Variants in ARL2BP observed in about 807,000 individuals in gnomAD.
ARL2BP encodes ARF like GTPase 2 binding protein.
In ARL2BP, 19 loss-of-function variants were observed where a neutral mutation model predicts 24.2. The observed-to-expected ratio is 0.79, with a 90% CI of 0.55 to 1.15. The LOEUF is 1.15. Ranked by LOEUF, ARL2BP falls within the 50% of genes most tolerant of loss-of-function variation. The pLI is 0.00. For missense variants in ARL2BP, 160 were observed against 190.4 expected (o/e 0.84, Z 0.94); for synonymous variants, 56 against 70.5 (o/e 0.79, Z 1.03).
chr16:57,252,371 T>C lies in ARL2BP; in HGVS notation c.*104T>C, dbSNP rs747795648. The stretch of plus-strand genomic sequence containing the variant: ...TCTTGGAAAGACTGACTCTGTTATG[T>C]AACTCTTCATTTATGTTAAGTATTA... On this transcript the variant is annotated 3_prime_UTR_variant, in exon 6 of 6. Coordinates refer to ENST00000219204, the MANE Select transcript of ARL2BP (RefSeq NM_012106.4). The C allele has an allele frequency of 1.0e-5, 16 of 1,590,932 alleles. No homozygotes were observed. The highest frequency in any genetic ancestry group is 1.4e-5 in the Non-Finnish European group (16 of 1,169,974).
Position 57,245,317 on chromosome 16 carries a change from G to A in ARL2BP, c.-51G>A. The A allele has an allele frequency of 6.3e-7, 1 of 1,586,036 alleles. No individual in the cohort carries two copies. On this transcript the variant is annotated 5_prime_UTR_variant, in exon 1 of 6. Coordinates refer to ENST00000219204, the MANE Select transcript of ARL2BP (RefSeq NM_012106.4). ...TAACCCCGCCGGGCGGCCGCGCCCT[G>A]CATGCGAGTTGGGCCGCGGGCGGGG...
intron 2 of ARL2BP, chr16:57,246,348 A>T: frequency 1.8e-6 from 1 of 565,470 alleles, no homozygotes; most frequent in South Asian, 2.3e-5. Flanking sequence ...ATAAGCATAG[A>T]TTCAGAGGCT....
intron 1 of ARL2BP, 114 bp from the exon 2 acceptor site, chr16:57,245,966 G>C (rs1423224804): frequency 1.0e-6 from 1 of 959,776 alleles, no homozygotes; most frequent in East Asian, 2.4e-5. Flanking sequence ...ATGGGTGATG[G>C]GAAGTTCGTT....
Position 57,246,119 on chromosome 16 carries a change from A to T in ARL2BP, c.78A>T (p.Gly26=). ...ATGCAGAATTTGATGCTGTGGTTGG[A>T]TATTTAGAGGACATTATCATGGGTA... is the stretch of plus-strand genomic sequence containing the variant. ...ASDAEFDAVV[G]YLEDIIMDDE... The change falls in exon 2 of 6, where the codon GGA becomes GGT. Residue 26 remains glycine (G), a synonymous_variant. Transcript: ENST00000219204. The T allele has an allele frequency of 6.2e-7, 1 of 1,614,058 alleles. No homozygotes were observed. The highest frequency in any genetic ancestry group is 1.1e-5 in the South Asian group (1 of 91,074).
chr16:57,245,767 G>A (rs2075388434), intron 1 of ARL2BP: 1 of 384,472 alleles, frequency 2.6e-6, no homozygotes, highest in Non-Finnish European at 4.7e-6. Flanking sequence ...GACCCCCCCC[G>A]GCAGGTGTTT....
In ARL2BP at chr16:57,250,410, G is replaced by C. The variant is rs1567526361; in HGVS notation, c.294-1G>C. ...GAAACAGCCATCTGTTCCGTTTGCA[G>C]GCACCATAAGGATGAAGTGGCTGGT... On this transcript the variant is annotated splice_acceptor_variant, in intron 4 of 5. Transcript: ENST00000219204. LOFTEE classifies it high-confidence loss of function. The C allele has an allele frequency of 1.2e-6, 2 of 1,613,856 alleles. No individual in the cohort carries two copies. Among genetic ancestry groups the C allele is most frequent in the Non-Finnish European group, 1.7e-6 (2 of 1,179,732 alleles).
At chr16:57,248,360 A>C in intron 2 of ARL2BP, 177 bp from the exon 3 acceptor site, 1 of 257,904 alleles carries the variant, frequency 3.9e-6, no homozygotes, top group Non-Finnish European at 7.2e-6. Flanking sequence ...AGAAAACAGG[A>C]GGATTGGGCT....
chr16:57,246,263 C>T, intron 2 of ARL2BP, 122 bp downstream of exon 2: 1 of 904,710 alleles, frequency 1.1e-6, no homozygotes, highest in Non-Finnish European at 1.8e-6. Flanking sequence ...TAATGTAGCA[C>T]AATGTAATAC....
At chr16:57,246,396 GT>G (rs749208799) in intron 2 of ARL2BP, 45 of 426,812 alleles carry the variant, frequency 1.1e-4, no homozygotes, top group Admixed American at 1.6e-4. Flanking sequence ...CACCAGCAGT[GT>G]GGCGTTCTTC....
chr16:57,249,909 C>A, intron 4 of ARL2BP, 57 bp downstream of exon 4: 1 of 1,523,610 alleles, frequency 6.6e-7, no homozygotes, highest in Non-Finnish European at 9.1e-7. Flanking sequence ...TTTCTTCCTT[C>A]CCTAGGCTGA....
chr16:57,245,516 C>CGGGCA (rs1384864944), intron 1 of ARL2BP, 111 bp downstream of exon 1: 2 of 1,430,052 alleles, frequency 1.4e-6, no homozygotes, highest in African/African-American at 1.4e-5. Flanking sequence ...CGGGCCGGGC[C>CGGGCA]GGGCAGGGTG....
rs780863286 is a variant in ARL2BP at position 57,249,841 on chromosome 16, CACA to C, written c.286_288del (p.Thr96del). 1.9e-6 allele frequency: 3 copies of C among 1,613,892 alleles called. No individual in the cohort carries two copies. Among genetic ancestry groups the C allele is most frequent in the Non-Finnish European group, 1.7e-6 (2 of 1,179,888 alleles). On this transcript the variant is annotated inframe_deletion, in exon 4 of 6. Coordinates refer to ENST00000219204, the MANE Select transcript of ARL2BP (RefSeq NM_012106.4). ...CTGAGTTCAACATGGCAGCCTTCACCACAACATTACAGTGAGTTGAGCTTGACT... is the reference window on the plus strand; with the variant it reads ...CTGAGTTCAACATGGCAGCCTTCACCACATTACAGTGAGTTGAGCTTGACT...
At chr16:57,252,080 C>A in intron 5 of ARL2BP, 86 bp from the exon 6 acceptor site, 1 of 1,200,388 alleles carries the variant, frequency 8.3e-7, no homozygotes, top group Non-Finnish European at 1.2e-6. Context: ...CACGTTCCCA[C>A]CTTCAGCTCT....
chr16:57,245,667 C>T (rs996527285), intron 1 of ARL2BP, among the ~76,000 whole-genome samples: 9 of 152,272 alleles, frequency 5.9e-5, no homozygotes, highest in African/African-American at 2.2e-4. Flanking sequence ...CAGCCGCCAA[C>T]CCTCAGCTGT....
At position 57,252,380 on chromosome 16, in the gene ARL2BP, A is replaced by G. The variant is rs2075411297; in HGVS notation, c.*113A>G. The G allele has an allele frequency of 1.3e-6, 2 of 1,576,172 alleles. No individual in the cohort carries two copies. Among genetic ancestry groups the G allele is most frequent in the Non-Finnish European group, 1.7e-6 (2 of 1,163,200 alleles). ...GACTGACTCTGTTATGTAACTCTTC[A>G]TTTATGTTAAGTATTAATAGGTCAA... On this transcript the variant is annotated 3_prime_UTR_variant, in exon 6 of 6. Transcript: ENST00000219204.
At position 57,246,043 on chromosome 16, in the gene ARL2BP, T is replaced by C. The variant is rs1259282908; in HGVS notation, c.39-37T>C. 3 of 1,602,434 alleles carry C rather than the reference T, an allele frequency of 1.9e-6. No individual in the cohort carries two copies. In the African/African-American group the frequency reaches 4.0e-5, roughly 22 times the overall value. ...TACTAAAAACATTTTTTTAATGCAT[T>C]ATTTGAAATAGCACCTAATCCAGGC... On this transcript the variant is annotated intron_variant, in intron 1 of 5. Transcript: ENST00000219204.
In ARL2BP at chr16:57,245,516, C is replaced by CGGGCT. The variant is rs2075387452; in HGVS notation, c.38+115_38+116insTGGGC. ...CCTTAGGGGCCGGGCCGGGCCGGGC[C>CGGGCT]GGGCAGGGTGGGGGCCGCCAAGGCG... On this transcript the variant is annotated intron_variant, in intron 1 of 5. Coordinates refer to ENST00000219204, the MANE Select transcript of ARL2BP (RefSeq NM_012106.4). 3 of 1,430,054 alleles carry CGGGCT rather than the reference C, an allele frequency of 2.1e-6. No homozygotes were observed. In the South Asian group the frequency reaches 3.7e-5, roughly 18 times the overall value. The allele number at this position is 1,430,054 out of a possible 1,614,324, so 88.6% of individuals were successfully genotyped here. A position where few individuals can be genotyped will look rare whatever the true frequency, so the allele number is the denominator to read the frequency against.
In ARL2BP at chr16:57,252,155, T is replaced by C. The variant is rs1190341304; in HGVS notation, c.391-11T>C. 6.2e-7 allele frequency: 1 copy of C among 1,612,844 alleles called. No homozygotes were observed. The highest frequency in any genetic ancestry group is 2.2e-5 in the East Asian group (1 of 44,892). On this transcript the variant is annotated splice_polypyrimidine_tract_variant and intron_variant, in intron 5 of 5. Transcript: ENST00000219204. ...CTTTCTAGTCCTTCCTTTGGTTGTT[T>C]TCTCATATAGGAAAAAGAAGGCCGA... is the stretch of plus-strand genomic sequence containing the variant.
rs932274625 is a variant in ARL2BP, at chr16:57,253,353, T to C, written c.*1086T>C. ...GTAGAGCACAGCTTTACTGGCTGTT[T>C]GTATGCTTTGGTTTAGTGCAATGTG... On this transcript the variant is annotated 3_prime_UTR_variant, in exon 6 of 6. Coordinates refer to ENST00000219204, the MANE Select transcript of ARL2BP (RefSeq NM_012106.4). The C allele has an allele frequency of 6.6e-6, 1 of 152,260 alleles. No homozygotes were observed. The highest frequency in any genetic ancestry group is 2.1e-4 in the South Asian group (1 of 4,832). 9.4% of individuals were successfully genotyped at this position (152,260 alleles called of 1,614,324 possible).
Sources: gnomAD v4.1 joint callset for allele counts (sites outside exome capture counted in the v4.1 genomes callset) on GRCh38, gnomAD v4.1.1 for gene constraint, MANE v1.5 for transcripts, NCBI Gene and HGNC (gene_info 2026-07-23, HGNC 2026-07-21) for gene names.